XYLB: variants seen among roughly 807,000 people sequenced by gnomAD.
XYLB encodes xylulose kinase.
In XYLB, 62 loss-of-function variants were observed where a neutral mutation model predicts 78.7. That is an observed-to-expected ratio of 0.79 (90% CI 0.64 to 0.97). The LOEUF (loss-of-function observed/expected upper bound fraction) is 0.97, where lower values mean the gene tolerates loss of function less well. XYLB is among the 50% of genes least tolerant of loss of function. XYLB has a pLI of 0.00. For synonymous variants in XYLB, 245 were observed against 247.4 expected (o/e 0.99, Z 0.09); for missense variants, 687 against 676.8 (o/e 1.02, Z -0.17).
chr3:38,398,005 A>T (rs1575525182), intron 17 of XYLB, among the ~76,000 whole-genome samples: 1 of 150,876 alleles, frequency 6.6e-6, no homozygotes, highest in East Asian at 2.0e-4. Flanking sequence ...TTTTTAGTAG[A>T]GGAGGGGTTT....
At chr3:38,366,670 C>A in intron 6 of XYLB, 138 bp from the exon 7 acceptor site, 2 of 624,210 alleles carry the variant, frequency 3.2e-6, no homozygotes, top group Non-Finnish European at 2.8e-6. Context: ...CACTACTGTG[C>A]CTGGTTGGGG....
chr3:38,359,458 G>A (rs1226499413), intron 2 of XYLB, among the ~76,000 whole-genome samples: 1 of 152,212 alleles, frequency 6.6e-6, no homozygotes, highest in African/African-American at 2.4e-5. Flanking sequence ...CTTAGGGCCT[G>A]TTCCCAGCAC....
At chr3:38,419,797 A>G (rs1036540060), downstream of XYLB, among the ~76,000 whole-genome samples, 27 of 151,396 alleles carry the variant, frequency 1.8e-4, no homozygotes, top group Admixed American at 4.0e-4. Context: ...TTTATGGTAT[A>G]TGGAATTATT....
At chr3:38,406,350 C>T (rs1575537662) in intron 18 of XYLB, among the ~76,000 whole-genome samples, 1 of 152,250 alleles carries the variant, frequency 6.6e-6, no homozygotes, top group African/African-American at 2.4e-5. Flanking sequence ...GGAAAACTAA[C>T]AAACAGAAAG....
At chr3:38,431,267 C>T in the XYLB span, among the ~76,000 whole-genome samples, 5 of 152,158 alleles carry the variant, frequency 3.3e-5, no homozygotes, top group African/African-American at 1.2e-4. Flanking sequence ...AGAGGTCCTT[C>T]ACGTCCCTTG....
At chr3:38,348,712 G>A (rs1417812292) in intron 2 of XYLB, 80 bp downstream of exon 2, 21 of 1,306,172 alleles carry the variant, frequency 1.6e-5, no homozygotes, top group African/African-American at 5.8e-5. Flanking sequence ...TTCGCAGACC[G>A]CACTGTTGAG....
chr3:38,431,233 G>A, the XYLB span, among the ~76,000 whole-genome samples: 11 of 152,136 alleles, frequency 7.2e-5, no homozygotes, highest in African/African-American at 2.7e-4. Flanking sequence ...ATTTCATTGA[G>A]CAGTGGTTTG....
chr3:38,381,115 C>T (rs576488329), intron 15 of XYLB, among the ~76,000 whole-genome samples: 1 of 152,280 alleles, frequency 6.6e-6, no homozygotes, highest in Admixed American at 6.5e-5. Flanking sequence ...TCAGGGACCC[C>T]AAACGGAGGG....
At chr3:38,416,085 C>T (rs1387286695), downstream of XYLB, among the ~76,000 whole-genome samples, 4 of 152,072 alleles carry the variant, frequency 2.6e-5, no homozygotes, top group Non-Finnish European at 5.9e-5. Flanking sequence ...GCCCTCAACA[C>T]CTGGGGATTA....
downstream of XYLB, among the ~76,000 whole-genome samples, chr3:38,420,967 C>G (rs1167597184): frequency 6.6e-6 from 1 of 152,234 alleles, no homozygotes; most frequent in East Asian, 1.9e-4. Context: ...AAGGCCTGTG[C>G]CTTGGCAGCA....
In XYLB at chr3:38,405,371, TA is replaced by T. The variant is rs1192762406; in HGVS notation, c.1533+4409del. Among the ~76,000 whole-genome samples, 1,533 of 94,656 alleles carry T rather than the reference TA, an allele frequency of 0.016. 60 individuals carry two copies. The East Asian group carries it at 0.16, about 10-fold the overall frequency. 62.1% of individuals were successfully genotyped at this position (94,656 alleles called of 152,430 possible). A position where few individuals can be genotyped will look rare whatever the true frequency, so the allele number is the denominator to read the frequency against. On this transcript the variant is annotated intron_variant, in intron 18 of 18. Transcript: ENST00000207870. ...GGGCAAACATGAGACCTCATCTCTTTAAAAAAAAAAAAAAAAAAAAAAAGCT... is the reference window on the plus strand; with the variant it reads ...GGGCAAACATGAGACCTCATCTCTTTAAAAAAAAAAAAAAAAAAAAAAGCT...
chr3:38,415,564 C>A (rs968518516), downstream of XYLB, among the ~76,000 whole-genome samples: 2 of 152,130 alleles, frequency 1.3e-5, no homozygotes, highest in African/African-American at 2.4e-5. Context: ...AGGAAGATCA[C>A]CTGAGGTCAG....
chr3:38,364,669 C>T (rs946837322), intron 4 of XYLB, among the ~76,000 whole-genome samples: 5 of 152,054 alleles, frequency 3.3e-5, no homozygotes, highest in African/African-American at 7.2e-5. Context: ...CATCTGTACC[C>T]GAGTTGGTTA....
chr3:38,417,915 G>A (rs1424211871), downstream of XYLB, among the ~76,000 whole-genome samples: 1 of 151,076 alleles, frequency 6.6e-6, no homozygotes. Context: ...TATCAGGCCG[G>A]GCGTGGTGTC....
chr3:38,347,026 G>A (rs1705101117), intron 1 of XYLB, 101 bp downstream of exon 1: 3 of 1,200,992 alleles, frequency 2.5e-6, no homozygotes, highest in Non-Finnish European at 3.2e-6. Flanking sequence ...GGGCCCGGCC[G>A]CGGGCGCGCC....
the XYLB span, among the ~76,000 whole-genome samples, chr3:38,443,715 A>C: frequency 6.6e-6 from 1 of 152,214 alleles, no homozygotes; most frequent in Non-Finnish European, 1.5e-5. Context: ...ATTGGGAAAT[A>C]AACTTATCTT....
chr3:38,348,610 G>A lies in XYLB; in HGVS notation c.118G>A (p.Asp40Asn). The change falls in exon 2 of 19, where the codon GAC (aspartate) becomes AAC (asparagine). Residue 40 changes from aspartate to asparagine, a missense_variant. Transcript: ENST00000207870. ...CTTCTATGAGGAAAGTGTGCATTTT[G>A]ACAGAGATCTTCCAGAATTTGGGTA... Reference protein sequence around the residue: ...NVFYEESVHFDRDLPEFGTQG... With the variant: ...NVFYEESVHFNRDLPEFGTQG... 6.2e-7 allele frequency: 1 copy of A among 1,614,192 alleles called. No individual in the cohort carries two copies. The highest frequency in any genetic ancestry group is 8.5e-7 in the Non-Finnish European group (1 of 1,180,036).
At chr3:38,363,056 A>G in intron 4 of XYLB, 39 bp downstream of exon 4, 1 of 1,479,530 alleles carries the variant, frequency 6.8e-7, no homozygotes. Context: ...TGTGAGGGTG[A>G]CTGTCCTGGG....
intron 10 of XYLB, among the ~76,000 whole-genome samples, chr3:38,374,147 G>T (rs1706721320): frequency 6.6e-6 from 1 of 152,032 alleles, no homozygotes; most frequent in African/African-American, 2.4e-5. Context: ...TATATCCTTG[G>T]TGTCTTGTCT....
Sources: allele counts gnomAD v4.1 joint callset (sites outside exome capture counted in the v4.1 genomes callset), GRCh38; gene constraint gnomAD v4.1.1; transcripts MANE v1.5; gene names NCBI Gene and HGNC (gene_info 2026-07-23, HGNC 2026-07-21).